TGFBR2: variants seen among roughly 807,000 people sequenced by gnomAD.
TGFBR2 encodes the protein TGF-beta receptor type-2.
A neutral mutation model predicts 49.0 loss-of-function variants in TGFBR2; 18 were observed. The ratio of observed to expected loss-of-function variants is 0.37; its 90% CI spans 0.25 to 0.54. TGFBR2 has a LOEUF of 0.54. Ranked by LOEUF, TGFBR2 falls within the 20% of genes least tolerant of loss-of-function variation. The pLI, the probability that TGFBR2 is intolerant of heterozygous loss-of-function variation, is 0.85. For synonymous variants in TGFBR2, 282 were observed against 275.9 expected, an observed-to-expected ratio of 1.02 and a Z score of -0.22; for missense variants, 525 against 722.6, an observed-to-expected ratio of 0.73 and a Z score of 3.13.
At chr3:30,648,789 A>G (rs1461038976) in intron 2 of TGFBR2, among the ~76,000 whole-genome samples, 3 of 152,150 alleles carry the variant, frequency 2.0e-5, no homozygotes, top group South Asian at 4.1e-4. Context: ...TCTGGGCTGC[A>G]TGGATGTTGA....
chr3:30,641,600 CT>C (rs1698647043), intron 1 of TGFBR2, among the ~76,000 whole-genome samples: 1 of 152,140 alleles, frequency 6.6e-6, no homozygotes, highest in Non-Finnish European at 1.5e-5. Flanking sequence ...TGGCTGGGTT[CT>C]TGTGAAGTAA....
chr3:30,636,155 A>ATGTGTGTGTGTGTGTG (rs61296907), intron 1 of TGFBR2, among the ~76,000 whole-genome samples: 35 of 134,632 alleles, frequency 2.6e-4, no homozygotes, highest in African/African-American at 8.4e-4. Flanking sequence ...ATATATATGT[A>ATGTGTGTGTGTGTGTG]TGTGTGTGTG....
chr3:30,689,682 A>G (rs180817620), intron 6 of TGFBR2, among the ~76,000 whole-genome samples: 5 of 152,336 alleles, frequency 3.3e-5, no homozygotes, highest in African/African-American at 1.2e-4. Context: ...CCTCTTTGAC[A>G]CTAAAACTGT....
intron 3 of TGFBR2, among the ~76,000 whole-genome samples, chr3:30,667,078 A>G (rs1379384970): frequency 6.6e-6 from 1 of 152,202 alleles, no homozygotes; most frequent in African/African-American, 2.4e-5. Context: ...TCATCTGGGA[A>G]AATTACTTAA....
Position 30,672,057 on chromosome 3 carries a change from G to A in TGFBR2, c.874G>A (p.Asp292Asn), listed in dbSNP as rs1254102909. The change falls in exon 4 of 7, where the codon GAC becomes AAC. Residue 292 changes from aspartate to asparagine, a missense_variant. By Grantham distance (23) the Asp-to-Asn change is conservative. Around this residue, in one of 3 missense-constraint regions of TGFBR2, gnomAD observed 376 missense variants for 478.2 expected, o/e 0.79. Transcript: ENST00000295754. This position sits in a 1 kb window ranked among gnomAD's most constrained non-coding sequence, Gnocchi z 4.5. ...EEYASWKTEK[D>N]IFSDINLKHE... ...GTATGCCTCTTGGAAGACAGAGAAG[G>A]ACATCTTCTCAGACATCAATCTGAA... 5.0e-6 allele frequency: 8 copies of A among 1,614,210 alleles called. No homozygotes were observed. The highest frequency in any genetic ancestry group is 6.8e-6 in the Non-Finnish European group (8 of 1,180,028).
chr3:30,612,945 G>C (rs1698056267), intron 1 of TGFBR2, among the ~76,000 whole-genome samples: 2 of 152,136 alleles, frequency 1.3e-5, no homozygotes, highest in Non-Finnish European at 2.9e-5. Context: ...CCAACAAGTA[G>C]CAACTATCCT....
At chr3:30,681,755 C>G (rs190997610) in intron 5 of TGFBR2, among the ~76,000 whole-genome samples, 6 of 152,290 alleles carry the variant, frequency 3.9e-5, no homozygotes, top group African/African-American at 1.4e-4. Context: ...GAGGGTGAGA[C>G]AAAGACTTGG....
At chr3:30,645,011 T>A in intron 2 of TGFBR2, 96 bp downstream of exon 2, 1 of 1,103,700 alleles carries the variant, frequency 9.1e-7, no homozygotes, top group Non-Finnish European at 1.4e-6. Context: ...GTCTCCTAAA[T>A]GTAAACACCT....
intron 5 of TGFBR2, among the ~76,000 whole-genome samples, chr3:30,681,508 A>G (rs530952864): frequency 2.0e-5 from 3 of 152,308 alleles, no homozygotes; most frequent in Admixed American, 1.3e-4. Flanking sequence ...AGGCAAGCGT[A>G]GTTTTCTCTT....
At chr3:30,686,196 C>T (rs1479773174) in intron 5 of TGFBR2, among the ~76,000 whole-genome samples, 1 of 152,090 alleles carries the variant, frequency 6.6e-6, no homozygotes, top group East Asian at 1.9e-4. Context: ...GTATAAGGCA[C>T]GATTTTAGGC....
chr3:30,638,478 C>A (rs12495646), intron 1 of TGFBR2, among the ~76,000 whole-genome samples: 44,221 of 151,968 alleles, frequency 0.29, 7,524 homozygotes, highest in East Asian at 0.68. Flanking sequence ...CCTTGGTACC[C>A]CAGAGACCAT....
At chr3:30,607,110 A>G in intron 1 of TGFBR2, 133 bp downstream of exon 1, 1 of 702,402 alleles carries the variant, frequency 1.4e-6, no homozygotes, top group Non-Finnish European at 2.4e-6. Flanking sequence ...CCCCCGCGAC[A>G]CTCACGCAGC....
At chr3:30,685,207 G>T (rs538971150) in intron 5 of TGFBR2, among the ~76,000 whole-genome samples, 1 of 152,294 alleles carries the variant, frequency 6.6e-6, no homozygotes, top group East Asian at 1.9e-4. Flanking sequence ...AAGCATGAAA[G>T]CTTTCTAGAA....
intron 2 of TGFBR2, among the ~76,000 whole-genome samples, chr3:30,645,802 A>T (rs1185143757): frequency 6.7e-6 from 1 of 149,204 alleles, no homozygotes; most frequent in Non-Finnish European, 1.5e-5. Flanking sequence ...ATATATTTTT[A>T]TCGGATCACA....
intron 1 of TGFBR2, among the ~76,000 whole-genome samples, chr3:30,629,932 G>A (rs914937972): frequency 4.6e-5 from 7 of 152,120 alleles, no homozygotes; most frequent in South Asian, 4.1e-4. Context: ...TGGGTTAAGC[G>A]CATTCTAGTT....
chr3:30,619,120 C>A (rs1028735332), intron 1 of TGFBR2, among the ~76,000 whole-genome samples: 2 of 152,082 alleles, frequency 1.3e-5, no homozygotes, highest in African/African-American at 2.4e-5. Context: ...TAAAAACTTT[C>A]CATTGCAACT....
rs1699740604 is a variant in TGFBR2 at position 30,692,938 on chromosome 3, C to CTG, written c.*1341_*1342dup. On this transcript the variant is annotated 3_prime_UTR_variant, in exon 7 of 7. Coordinates refer to ENST00000295754, the MANE Select transcript of TGFBR2 (RefSeq NM_003242.6). ...ACTTACAAAGCTGCCTCACTTCTCA[C>CTG]TGTAAACATTAGCTCTTTCCACTGC... 4.3e-6 allele frequency: 1 copy of CTG among 233,180 alleles called. No individual in the cohort carries two copies. Among genetic ancestry groups the CTG allele is most frequent in the African/African-American group, 2.2e-5 (1 of 45,346 alleles). 14.4% of individuals were successfully genotyped at this position (233,180 alleles called of 1,614,324 possible).
At chr3:30,634,498 TC>T (rs1687977031) in intron 1 of TGFBR2, among the ~76,000 whole-genome samples, 2 of 152,162 alleles carry the variant, frequency 1.3e-5, no homozygotes, top group Non-Finnish European at 2.9e-5. Flanking sequence ...CTGTCCCCCT[TC>T]CCTCAAGGGT....
At chr3:30,681,716 C>A (rs1297654661) in intron 5 of TGFBR2, among the ~76,000 whole-genome samples, 1 of 152,084 alleles carries the variant, frequency 6.6e-6, no homozygotes, top group Non-Finnish European at 1.5e-5. Context: ...AGGTGTTCAG[C>A]CCCGTCTGTC....
Sources: gnomAD v4.1 joint callset for allele counts (sites outside exome capture counted in the v4.1 genomes callset) on GRCh38, gnomAD v4.1.1 for gene constraint, gnomAD v4.1.1 regional missense constraint, Gnocchi (gnomAD v3.1) non-coding constraint, MANE v1.5 for transcripts, NCBI Gene and HGNC (gene_info 2026-07-23, HGNC 2026-07-21) for gene names.